The following TMEM108 variants were observed in gnomAD, a reference collection of about 807,000 sequenced individuals.
TMEM108 encodes transmembrane protein 108, also known as cancer/testis antigen 124.
A neutral mutation model predicts 35.1 loss-of-function variants in TMEM108; 12 were observed. The ratio of observed to expected loss-of-function variants is 0.34; its 90% CI spans 0.22 to 0.55. TMEM108 has a LOEUF of 0.55. TMEM108 is among the 20% of genes least tolerant of loss of function. The pLI is 0.89. For synonymous variants in TMEM108, 287 were observed against 308.6 expected (o/e 0.93, Z 0.73); for missense variants, 680 against 753.3 (o/e 0.90, Z 1.14).
chr3:133,155,384 G>A (rs113141363), intron 2 of TMEM108, among the ~76,000 whole-genome samples: 2,157 of 152,174 alleles, frequency 0.014, 61 homozygotes, highest in African/African-American at 0.048. Flanking sequence ...CCCAGTAGTG[G>A]GATTGCTGGG....
chr3:133,098,443 C>T (rs546816338), intron 2 of TMEM108, among the ~76,000 whole-genome samples: 2 of 152,132 alleles, frequency 1.3e-5, no homozygotes, highest in South Asian at 4.2e-4. Flanking sequence ...GCCCTTGGCC[C>T]CTCTAAATCT....
chr3:133,266,233 ATTC>A (rs1946695023), intron 3 of TMEM108, among the ~76,000 whole-genome samples: 1 of 151,972 alleles, frequency 6.6e-6, no homozygotes, highest in South Asian at 2.1e-4. Context: ...TACTAATTGT[ATTC>A]TTATAAACCA....
chr3:133,073,552 A>G (rs1943705051), intron 2 of TMEM108, among the ~76,000 whole-genome samples: 1 of 117,270 alleles, frequency 8.5e-6, no homozygotes, highest in South Asian at 2.7e-4. Context: ...TTCTTTATCC[A>G]TTTATCTGTT....
intron 3 of TMEM108, among the ~76,000 whole-genome samples, chr3:133,371,629 A>AC (rs2072678073): frequency 6.6e-6 from 1 of 151,210 alleles, no homozygotes; most frequent in Admixed American, 6.6e-5. Context: ...AAAAAAAAAA[A>AC]AAAAAAAAAA....
At chr3:133,143,236 G>A (rs1944665255) in intron 2 of TMEM108, among the ~76,000 whole-genome samples, 1 of 152,094 alleles carries the variant, frequency 6.6e-6, no homozygotes, top group African/African-American at 2.4e-5. Context: ...TCTGGGTTTG[G>A]AATTAATATC....
chr3:133,277,348 T>C (rs1946852629), intron 3 of TMEM108, among the ~76,000 whole-genome samples: 1 of 152,236 alleles, frequency 6.6e-6, no homozygotes, highest in Admixed American at 6.5e-5. Flanking sequence ...ATATCCACTT[T>C]AAAATGTGGC....
At chr3:133,344,088 T>C (rs1221562153) in intron 3 of TMEM108, among the ~76,000 whole-genome samples, 2 of 151,884 alleles carry the variant, frequency 1.3e-5, no homozygotes, top group African/African-American at 4.8e-5. Context: ...ACAGATGATA[T>C]AATCTTCTTT....
chr3:133,081,550 A>G (rs935302267), intron 2 of TMEM108, among the ~76,000 whole-genome samples: 1 of 152,198 alleles, frequency 6.6e-6, no homozygotes, highest in Non-Finnish European at 1.5e-5. Flanking sequence ...CCTTCAATCC[A>G]TTCTTGCTAT....
chr3:133,389,184 T>C, intron 4 of TMEM108: 1 of 985,576 alleles, frequency 1.0e-6, no homozygotes, highest in Non-Finnish European at 1.2e-6. Context: ...TCAGAAGCCT[T>C]CCCTGCTCAC....
chr3:133,291,140 T>C (rs180721814), intron 3 of TMEM108, among the ~76,000 whole-genome samples: 1 of 152,274 alleles, frequency 6.6e-6, no homozygotes, highest in African/African-American at 2.4e-5. Context: ...GTTGTTCTAA[T>C]AGCAATTTAG....
chr3:133,086,938 C>T (rs974665152), intron 2 of TMEM108, among the ~76,000 whole-genome samples: 1 of 152,128 alleles, frequency 6.6e-6, no homozygotes, highest in Non-Finnish European at 1.5e-5. Flanking sequence ...CAAAATGATT[C>T]AGAAAAATGC....
chr3:133,040,296 T>A (rs985364346), intron 1 of TMEM108, among the ~76,000 whole-genome samples: 5 of 150,254 alleles, frequency 3.3e-5, no homozygotes, highest in Non-Finnish European at 7.4e-5. Context: ...CTCCGTCTCC[T>A]GGATTCAAAC....
At position 133,039,539 on chromosome 3, in the gene TMEM108, A is replaced by C. The variant is rs76016351; in HGVS notation, c.-166+1104A>C. Among the ~76,000 whole-genome samples the C allele has an allele frequency of 9.5e-3, 1,446 of 152,338 alleles. 23 individuals carry two copies. Among genetic ancestry groups the C allele is most frequent in the African/African-American group, 0.032 (1,328 of 41,564 alleles). ...AAGGTATGTCCAGGAACTTAAGAGC[A>C]GGTCAAGCTATGGAAAGTATTCCCT... On this transcript the variant is annotated intron_variant, in intron 1 of 5. Transcript: ENST00000321871.
intron 3 of TMEM108, among the ~76,000 whole-genome samples, chr3:133,273,026 G>T (rs1576425926): frequency 6.6e-6 from 1 of 152,186 alleles, no homozygotes; most frequent in African/African-American, 2.4e-5. Context: ...AGGCTCTGAG[G>T]TGGTTTGCCC....
At chr3:133,269,022 T>C (rs1163281076) in intron 3 of TMEM108, among the ~76,000 whole-genome samples, 2 of 152,246 alleles carry the variant, frequency 1.3e-5, no homozygotes, top group Non-Finnish European at 2.9e-5. Flanking sequence ...AGTAGTTTTT[T>C]TTTAACTTGT....
intron 2 of TMEM108, among the ~76,000 whole-genome samples, chr3:133,172,599 C>T (rs376010601): frequency 1.3e-4 from 20 of 152,268 alleles, no homozygotes; most frequent in East Asian, 1.2e-3. Flanking sequence ...TTCAACATAA[C>T]TATGCTTACA....
At chr3:133,044,389 A>C (rs1188120009) in intron 1 of TMEM108, among the ~76,000 whole-genome samples, 2 of 152,228 alleles carry the variant, frequency 1.3e-5, no homozygotes, top group Non-Finnish European at 2.9e-5. Context: ...TGGTACCCAG[A>C]CTAAACATAT....
intron 3 of TMEM108, among the ~76,000 whole-genome samples, chr3:133,290,363 G>T (rs568662714): frequency 6.6e-6 from 1 of 152,334 alleles, no homozygotes; most frequent in African/African-American, 2.4e-5. Flanking sequence ...ACTTACGCCT[G>T]TAATCCCAGC....
intron 2 of TMEM108, among the ~76,000 whole-genome samples, chr3:133,118,769 A>G (rs1944317081): frequency 6.6e-6 from 1 of 152,170 alleles, no homozygotes; most frequent in Non-Finnish European, 1.5e-5. Context: ...GGCTTCCCAC[A>G]GACATAAGTG....
Sources: gnomAD v4.1 joint callset for allele counts (sites outside exome capture counted in the v4.1 genomes callset) on GRCh38, gnomAD v4.1.1 for gene constraint, MANE v1.5 for transcripts, NCBI Gene and HGNC (gene_info 2026-07-23, HGNC 2026-07-21) for gene names.